GTPBP1: variants seen among roughly 807,000 people sequenced by gnomAD.
GTPBP1 encodes the protein GTP binding protein 1, also known as GTP-binding protein 1.
In GTPBP1, 23 loss-of-function variants were observed where a neutral mutation model predicts 62.0. The observed-to-expected ratio is 0.37, with a 90% CI of 0.27 to 0.53. The LOEUF (loss-of-function observed/expected upper bound fraction) is 0.53, where lower values mean the gene tolerates loss of function less well. Ranked by LOEUF, GTPBP1 falls within the 20% of genes least tolerant of loss-of-function variation. GTPBP1 has a pLI of 0.89. For synonymous variants in GTPBP1, 344 were observed against 364.4 expected (o/e 0.94, Z 0.64); for missense variants, 640 against 917.3 (o/e 0.70, Z 3.90).
At chr22:38,723,225 A>C in intron 5 of GTPBP1, 1 of 1,038,588 alleles carries the variant, frequency 9.6e-7, no homozygotes, top group East Asian at 2.4e-5. Flanking sequence ...GCACCAAATT[A>C]TTTCCCCTTA....
In GTPBP1 at chr22:38,716,118, C is replaced by T; in HGVS notation, c.485+31C>T. 1 of 1,532,764 alleles carries T rather than the reference C, an allele frequency of 6.5e-7. No homozygotes were observed. The highest frequency in any genetic ancestry group is 1.4e-5 in the African/African-American group (1 of 72,724). The allele number at this position is 1,532,764 out of a possible 1,614,324, so 94.9% of individuals were successfully genotyped here. On this transcript the variant is annotated intron_variant, in intron 3 of 11. Coordinates refer to ENST00000216044, the MANE Select transcript of GTPBP1 (RefSeq NM_004286.5). This position sits in a 1 kb window ranked among gnomAD's most constrained non-coding sequence, Gnocchi z 5.2. The stretch of plus-strand genomic sequence containing the variant: ...GAGGCCGCGGGACATTTTGGGGTCC[C>T]CATTCTTCACAGAGGTTGGTGACTG...
At chr22:38,722,125 A>G (rs2092703649) in intron 5 of GTPBP1, among the ~76,000 whole-genome samples, 1 of 152,236 alleles carries the variant, frequency 6.6e-6, no homozygotes, top group Non-Finnish European at 1.5e-5. Flanking sequence ...GTCAGTATCT[A>G]GAAATATATG....
chr22:38,740,179 G>T, downstream of GTPBP1: 15 of 1,426,670 alleles, frequency 1.1e-5, no homozygotes, highest in Non-Finnish European at 1.1e-5. This position sits in a 1 kb window ranked among gnomAD's most constrained non-coding sequence, Gnocchi z 4.8. Context: ...GGCTGCAGGG[G>T]CAAGGGGTGC....
At chr22:38,741,386 CA>C (rs2092856432), downstream of GTPBP1, 4 of 1,162,390 alleles carry the variant, frequency 3.4e-6, no homozygotes, top group Non-Finnish European at 5.0e-6. Flanking sequence ...CTCCCCTCCC[CA>C]TGCAACACCC....
At chr22:38,740,236 G>A (rs1042690554), downstream of GTPBP1, 2 of 1,517,674 alleles carry the variant, frequency 1.3e-6, no homozygotes, top group South Asian at 2.6e-5. The surrounding 1 kb of genome is among the most constrained non-coding windows in gnomAD (Gnocchi z 4.8). Flanking sequence ...GGAGGAGAGG[G>A]ACCAGCAGGG....
chr22:38,715,776 G>T (rs1421543414), intron 2 of GTPBP1, 131 bp from the exon 3 acceptor site: 3 of 686,664 alleles, frequency 4.4e-6, no homozygotes, highest in Non-Finnish European at 7.5e-6. Context: ...AGGTAGAGAG[G>T]ACCCCTGTTC....
intron 4 of GTPBP1, among the ~76,000 whole-genome samples, chr22:38,719,929 C>CTTTTT (rs374928496): frequency 2.0e-4 from 27 of 135,778 alleles, no homozygotes; most frequent in African/African-American, 2.8e-4. Flanking sequence ...TTCTTTCTTT[C>CTTTTT]TTTTTTTTTT....
At position 38,727,330 on chromosome 22, in the gene GTPBP1, C is replaced by A; in HGVS notation, c.1519C>A (p.Pro507Thr). ...CCTCCACCACCCCACCACAATTAGC[C>A]CGCGCTACCAGGCCATGGGTAGGTG... Reference protein sequence around the residue: ...LVLHHPTTISPRYQAMVHCGS... With the variant: ...LVLHHPTTISTRYQAMVHCGS... The change falls in exon 9 of 12, where the codon CCG (proline) becomes ACG (threonine). Residue 507 changes from proline to threonine, a missense_variant. Pro to Thr is a conservative substitution (Grantham distance 38, BLOSUM62 -1). Coordinates refer to ENST00000216044, the MANE Select transcript of GTPBP1 (RefSeq NM_004286.5). The surrounding 1 kb of genome is among the most constrained non-coding windows in gnomAD (Gnocchi z 6.5). The A allele has an allele frequency of 6.3e-7, 1 of 1,584,288 alleles. No individual in the cohort carries two copies. The highest frequency in any genetic ancestry group is 8.6e-7 in the Non-Finnish European group (1 of 1,164,478).
At chr22:38,741,477 G>A, downstream of GTPBP1, 2 of 1,613,168 alleles carry the variant, frequency 1.2e-6, no homozygotes, top group Non-Finnish European at 1.7e-6. Context: ...GGCCCTGAGT[G>A]CCGCAAGCCC....
rs903722327 is a variant in GTPBP1 at position 38,729,533 on chromosome 22, G to T, written c.1788G>T (p.Lys596Asn). ...AGATTAAAATGCAGTCGACGAAAAA[G>T]GGCCCCCTGACGAAACGAGACGAGG... ...PQQIKMQSTK[K>N]GPLTKRDEGG... The change falls in exon 11 of 12, where the codon AAG becomes AAT. Residue 596 changes from lysine (K) to asparagine (N), a missense_variant. By Grantham distance (94) the Lys-to-Asn change is moderately conservative (BLOSUM62 0). Coordinates refer to ENST00000216044, the MANE Select transcript of GTPBP1 (RefSeq NM_004286.5). The T allele has an allele frequency of 6.2e-7, 1 of 1,609,626 alleles. No individual in the cohort carries two copies. Among genetic ancestry groups the T allele is most frequent in the African/African-American group, 1.3e-5 (1 of 74,532 alleles).
chr22:38,708,277 C>T (rs549295342), intron 1 of GTPBP1, among the ~76,000 whole-genome samples: 1 of 152,270 alleles, frequency 6.6e-6, no homozygotes, highest in South Asian at 2.1e-4. Context: ...TGCAAAATGA[C>T]GGTGCTAATA....
At chr22:38,706,624 G>A (rs1445345144) in intron 1 of GTPBP1, 1 of 154,312 alleles carries the variant, frequency 6.5e-6, no homozygotes, top group Non-Finnish European at 1.4e-5. Context: ...GGTAGTCGGA[G>A]GCCAGGGCAG....
rs2092725697 is a variant in GTPBP1 at position 38,726,170 on chromosome 22, T to C, written c.1218+20T>C. Reference sequence around the variant, plus strand: ...GTCCCGGTAAGTGGCTCTGGGCGGGTAGCTGGGTGGGCACTTCCTACAGTG... The same window carrying C: ...GTCCCGGTAAGTGGCTCTGGGCGGGCAGCTGGGTGGGCACTTCCTACAGTG... On this transcript the variant is annotated intron_variant, in intron 7 of 11. Transcript: ENST00000216044. This position sits in a 1 kb window ranked among gnomAD's most constrained non-coding sequence, Gnocchi z 4.1. The C allele has an allele frequency of 6.2e-7, 1 of 1,609,052 alleles. No individual in the cohort carries two copies. The highest frequency in any genetic ancestry group is 1.1e-5 in the South Asian group (1 of 90,938).
At chr22:38,713,160 AG>A (rs1197447455) in intron 2 of GTPBP1, among the ~76,000 whole-genome samples, 2 of 152,172 alleles carry the variant, frequency 1.3e-5, no homozygotes, top group African/African-American at 4.8e-5. Flanking sequence ...CCATGAGCAA[AG>A]GTGTAGAGCT....
downstream of GTPBP1, chr22:38,741,683 C>G (rs1180136280): frequency 9.0e-6 from 9 of 1,000,638 alleles, no homozygotes; most frequent in African/African-American, 4.8e-5. Flanking sequence ...CTTCCAGAGC[C>G]CTGGCTCTCA....
chr22:38,708,847 G>A lies in GTPBP1; in HGVS notation c.195G>A (p.Leu65=). The A allele has an allele frequency of 6.3e-7, 1 of 1,580,338 alleles. No homozygotes were observed. Among genetic ancestry groups the A allele is most frequent in the Non-Finnish European group, 8.7e-7 (1 of 1,149,138 alleles). The change falls in exon 2 of 12, where the codon CTG becomes CTA. Residue 65 remains leucine, a splice_region_variant and synonymous_variant. Transcript: ENST00000216044. ...AAGGCTGTTGGTTTCTTTTCTAGCT[G>A]GTTCTAGTGAGCCCTACATCAGAGC... ...GEPELDLTSK[L]VLVSPTSEQY... is the part of the protein sequence containing the mutation.
At chr22:38,742,589 G>T (rs1377160106), downstream of GTPBP1, 7 of 1,585,886 alleles carry the variant, frequency 4.4e-6, no homozygotes, top group Non-Finnish European at 6.0e-6. Flanking sequence ...CGGAGTGAGG[G>T]ACCCTTGGAT....
chr22:38,716,553 A>G lies in GTPBP1; in HGVS notation c.486-99A>G, dbSNP rs896713965. The G allele has an allele frequency of 2.6e-5, 23 of 869,898 alleles. No individual in the cohort carries two copies. The Admixed American group carries it at 3.2e-4, about 12-fold the overall frequency. The allele number at this position is 869,898 out of a possible 1,614,324, so 53.9% of individuals were successfully genotyped here. A position where few individuals can be genotyped will look rare whatever the true frequency, so the allele number is the denominator to read the frequency against. On this transcript the variant is annotated intron_variant, in intron 3 of 11. Transcript: ENST00000216044. This position sits in a 1 kb window ranked among gnomAD's most constrained non-coding sequence, Gnocchi z 5.2. ...CTGTGAGCCGGAGGGGATCGGGGCA[A>G]GCCTGGACTTGCGGATCCAATTACT...
At position 38,725,850 on chromosome 22, in the gene GTPBP1, A is replaced by T. The variant is rs1363957869; in HGVS notation, c.1074-156A>T. The T allele has an allele frequency of 5.7e-6, 4 of 698,662 alleles. No individual in the cohort carries two copies. In the East Asian group the frequency reaches 1.0e-4, roughly 17 times the overall value. 43.3% of individuals were successfully genotyped at this position (698,662 alleles called of 1,614,324 possible). On this transcript the variant is annotated intron_variant, in intron 6 of 11. Coordinates refer to ENST00000216044, the MANE Select transcript of GTPBP1 (RefSeq NM_004286.5). Reference sequence around the variant, plus strand: ...AGGAGCTTGCTAGGTCAGGGCAAAGAGGTCAAGCCCTTGGAGGCAGGTGAG... The same window carrying T: ...AGGAGCTTGCTAGGTCAGGGCAAAGTGGTCAAGCCCTTGGAGGCAGGTGAG...
Sources: allele counts gnomAD v4.1 joint callset (sites outside exome capture counted in the v4.1 genomes callset), GRCh38; gene constraint gnomAD v4.1.1; non-coding constraint Gnocchi (gnomAD v3.1); transcripts MANE v1.5; gene names NCBI Gene and HGNC (gene_info 2026-07-23, HGNC 2026-07-21).